DAP: variants seen among roughly 807,000 people sequenced by gnomAD.
DAP encodes death-associated protein 1.
DAP carries 8 observed loss-of-function variants against 13.8 expected under a neutral mutation model. The observed-to-expected ratio is 0.58, with a 90% CI of 0.34 to 1.05. The LOEUF is 1.05. Ranked by LOEUF, DAP falls within the 50% of genes least tolerant of loss-of-function variation. The probability of loss-of-function intolerance (pLI) is 0.03; values close to 1 mark genes in which losing one functional copy is unlikely to be tolerated. For missense variants in DAP, 106 were observed against 133.2 expected (o/e 0.80, Z 1.01); for synonymous variants, 47 against 47.5 (o/e 0.99, Z 0.04).
intron 2 of DAP, among the ~76,000 whole-genome samples, chr5:10,717,034 T>A (rs1739006356): frequency 6.6e-6 from 1 of 152,210 alleles, no homozygotes; most frequent in African/African-American, 2.4e-5. Context: ...CATTTGGCAC[T>A]CCTGATTCAC....
chr5:10,710,940 G>A (rs1322694552), intron 2 of DAP, among the ~76,000 whole-genome samples: 8 of 152,206 alleles, frequency 5.3e-5, no homozygotes, highest in African/African-American at 1.7e-4. Flanking sequence ...GCAGAGGCAC[G>A]GTGTGAGAAA....
At chr5:10,752,006 T>G (rs921614633) in intron 1 of DAP, among the ~76,000 whole-genome samples, 2 of 152,224 alleles carry the variant, frequency 1.3e-5, no homozygotes, top group Non-Finnish European at 2.9e-5. Flanking sequence ...ACATAAAACT[T>G]TTAAACTGTA....
chr5:10,742,641 T>C (rs1412147621), intron 2 of DAP, among the ~76,000 whole-genome samples: 2 of 152,190 alleles, frequency 1.3e-5, no homozygotes, highest in Non-Finnish European at 2.9e-5. Context: ...GCCCCAAACC[T>C]TTCTGGAGAA....
chr5:10,744,756 G>C (rs536312721), intron 2 of DAP, among the ~76,000 whole-genome samples: 1 of 152,172 alleles, frequency 6.6e-6, no homozygotes, highest in Non-Finnish European at 1.5e-5. Flanking sequence ...TTATAGGTGC[G>C]GTGAGCACTA....
At chr5:10,711,205 T>G (rs1653721886) in intron 2 of DAP, among the ~76,000 whole-genome samples, 1 of 152,202 alleles carries the variant, frequency 6.6e-6, no homozygotes, top group Non-Finnish European at 1.5e-5. Flanking sequence ...AAGGTAGGTG[T>G]GAGCAGACCT....
chr5:10,713,832 G>A (rs974464483), intron 2 of DAP, among the ~76,000 whole-genome samples: 1 of 152,216 alleles, frequency 6.6e-6, no homozygotes, highest in Admixed American at 6.5e-5. Context: ...TCTAATGGAC[G>A]GTAAACAGAA....
chr5:10,683,568 T>G lies in DAP; in HGVS notation c.156A>C (p.Pro52=). The change falls in exon 3 of 4, where the codon CCA becomes CCC. Residue 52 remains proline (P), a synonymous_variant. Transcript: ENST00000230895. ...KDDQEWESPS[P]PKPTVFISGV... Reference sequence around the variant, plus strand: ...CAGAGATGAACACAGTGGGTTTAGGTGGACTGGAAAAAAAGAAGGGAAAAG... The same window carrying G: ...CAGAGATGAACACAGTGGGTTTAGGGGGACTGGAAAAAAAGAAGGGAAAAG... The G allele has an allele frequency of 6.2e-7, 1 of 1,612,254 alleles. No individual in the cohort carries two copies. Among genetic ancestry groups the G allele is most frequent in the Non-Finnish European group, 8.5e-7 (1 of 1,179,548 alleles).
At chr5:10,750,950 T>C (rs1466484866) in intron 1 of DAP, among the ~76,000 whole-genome samples, 4 of 152,190 alleles carry the variant, frequency 2.6e-5, no homozygotes, top group African/African-American at 9.7e-5. Context: ...AGAAGACAAA[T>C]TGCCAAACAG....
chr5:10,732,345 C>A (rs1462301517), intron 2 of DAP, among the ~76,000 whole-genome samples: 1 of 152,204 alleles, frequency 6.6e-6, no homozygotes, highest in Non-Finnish European at 1.5e-5. Context: ...CTGTCACTCA[C>A]CATTCCCCTT....
At chr5:10,683,873 C>T (rs1188074870) in intron 2 of DAP, among the ~76,000 whole-genome samples, 1 of 152,180 alleles carries the variant, frequency 6.6e-6, no homozygotes, top group Admixed American at 6.5e-5. Flanking sequence ...GTCACCCAGG[C>T]TGGAATGCAG....
At chr5:10,692,331 C>T (rs540781297) in intron 2 of DAP, among the ~76,000 whole-genome samples, 3 of 152,324 alleles carry the variant, frequency 2.0e-5, no homozygotes, top group East Asian at 1.9e-4. Flanking sequence ...AGGTGTAAAG[C>T]GATGCACTCT....
chr5:10,697,028 T>C (rs1195418885), intron 2 of DAP, among the ~76,000 whole-genome samples: 1 of 152,166 alleles, frequency 6.6e-6, no homozygotes, highest in Non-Finnish European at 1.5e-5. Flanking sequence ...TAGGTTATCA[T>C]TAAGGGCAAG....
intron 1 of DAP, among the ~76,000 whole-genome samples, chr5:10,755,199 A>C (rs1561037421): frequency 6.6e-6 from 1 of 152,130 alleles, no homozygotes. Context: ...GCCTTTGAAG[A>C]AGCTTTCCTT....
rs979283007 is a variant in DAP at position 10,747,829 on chromosome 5, C to G, written c.152+346G>C. Reference sequence around the variant, plus strand: ...AGCTGCTCCTGCTTGGCTTGGCTTGCCCTGGCTTCCAGGAAGGGAGGCACA... The same window carrying G: ...AGCTGCTCCTGCTTGGCTTGGCTTGGCCTGGCTTCCAGGAAGGGAGGCACA... On this transcript the variant is annotated intron_variant, in intron 2 of 3. Coordinates refer to ENST00000230895, the MANE Select transcript of DAP (RefSeq NM_004394.3). Among the ~76,000 whole-genome samples the G allele has an allele frequency of 5.3e-5, 8 of 152,148 alleles. 1 individual carries two copies. The highest frequency in any genetic ancestry group is 1.3e-4 in the Admixed American group (2 of 15,284).
chr5:10,699,495 C>G (rs558454496), intron 2 of DAP, among the ~76,000 whole-genome samples: 1 of 152,352 alleles, frequency 6.6e-6, no homozygotes, highest in African/African-American at 2.4e-5. Context: ...GTGAGGTTTA[C>G]CAGAAGCTAA....
intron 2 of DAP, among the ~76,000 whole-genome samples, chr5:10,744,373 T>C (rs534080128): frequency 6.6e-6 from 1 of 152,340 alleles, no homozygotes; most frequent in South Asian, 2.1e-4. Context: ...AAGTGTTTTA[T>C]ACATTCTGCA....
intron 2 of DAP, among the ~76,000 whole-genome samples, chr5:10,712,682 T>A (rs775987216): frequency 5.9e-5 from 9 of 152,114 alleles, no homozygotes; most frequent in African/African-American, 9.7e-5. Context: ...AGGACCAACA[T>A]GGCACAGGGG....
At chr5:10,759,739 G>C (rs1740290747) in intron 1 of DAP, among the ~76,000 whole-genome samples, 1 of 136,366 alleles carries the variant, frequency 7.3e-6, no homozygotes, top group Non-Finnish European at 1.6e-5. Context: ...AAGGATAATG[G>C]GAATCTTTTT....
chr5:10,741,077 G>A (rs1455547138), intron 2 of DAP, among the ~76,000 whole-genome samples: 1 of 152,228 alleles, frequency 6.6e-6, no homozygotes, highest in Non-Finnish European at 1.5e-5. Flanking sequence ...GTAGCTGGGT[G>A]TGGTGGTTCA....
Sources: allele counts gnomAD v4.1 joint callset (sites outside exome capture counted in the v4.1 genomes callset), GRCh38; gene constraint gnomAD v4.1.1; transcripts MANE v1.5; gene names NCBI Gene and HGNC (gene_info 2026-07-23, HGNC 2026-07-21).